Variants in EVC2 observed in about 807,000 individuals in gnomAD.
The protein encoded by EVC2 is limbin.
In EVC2, 148 loss-of-function variants were observed where a neutral mutation model predicts 149.3. The observed-to-expected ratio is 0.99, with a 90% CI of 0.87 to 1.14. EVC2 has a LOEUF of 1.14. EVC2 is among the 50% of genes most tolerant of loss of function. The probability of loss-of-function intolerance (pLI) is 0.00; values close to 1 mark genes in which losing one functional copy is unlikely to be tolerated. For missense variants in EVC2, 1,854 were observed against 1,627.3 expected (o/e 1.14, Z -2.40); for synonymous variants, 776 against 649.9 (o/e 1.19, Z -2.95).
rs994201492 is a variant in EVC2 at position 5,604,481 on chromosome 4, T to C, written c.2829+10941A>G. ...GACAAACATCACATGTTCATACTCA[T>C]ATACGTGAGCAAAAAGAACGGATCT... On this transcript the variant is annotated intron_variant, in intron 16 of 21. Transcript: ENST00000344408. Among the ~76,000 whole-genome samples the C allele has an allele frequency of 2.4e-4, 37 of 152,192 alleles. 1 individual carries two copies. The highest frequency in any genetic ancestry group is 3.4e-3 in the Middle Eastern group (1 of 294).
chr4:5,691,166 C>A (rs1721091894), intron 4 of EVC2, 99 bp downstream of exon 4: 1 of 1,072,746 alleles, frequency 9.3e-7, no homozygotes, highest in African/African-American at 1.5e-5. Flanking sequence ...GTAGGTAAGC[C>A]CATGATTTAT....
intron 1 of EVC2, among the ~76,000 whole-genome samples, chr4:5,698,799 C>T (rs754805547): frequency 1.2e-4 from 19 of 152,360 alleles, no homozygotes; most frequent in East Asian, 1.9e-4. Flanking sequence ...TCACCCTGCA[C>T]GCAACGGCTG....
chr4:5,551,384 C>G (rs1227451718), intron 21 of EVC2, among the ~76,000 whole-genome samples: 2 of 152,228 alleles, frequency 1.3e-5, no homozygotes, highest in Non-Finnish European at 2.9e-5. Context: ...CATTTTGGAG[C>G]TGTAAGATTT....
intron 12 of EVC2, among the ~76,000 whole-genome samples, chr4:5,627,554 A>G (rs1260295645): frequency 2.6e-5 from 4 of 152,196 alleles, no homozygotes; most frequent in African/African-American, 9.7e-5. Context: ...AAAACAACAG[A>G]TTGTCATAAG....
At position 5,640,438 on chromosome 4, in the gene EVC2, A is replaced by T; in HGVS notation, c.1470+76T>A. On this transcript the variant is annotated intron_variant, in intron 10 of 21. Coordinates refer to ENST00000344408, the MANE Select transcript of EVC2 (RefSeq NM_147127.5). This position sits in a 1 kb window ranked among gnomAD's most constrained non-coding sequence, Gnocchi z 4.6. ...ACGGATGGAGGAGGCAAATGGACAG[A>T]TGAGTGGGTAGATGGATAAATGACA... The T allele has an allele frequency of 1.3e-6, 2 of 1,570,288 alleles. No homozygotes were observed. Among genetic ancestry groups the T allele is most frequent in the Non-Finnish European group, 8.8e-7 (1 of 1,140,960 alleles).
intron 7 of EVC2, among the ~76,000 whole-genome samples, chr4:5,668,607 T>C (rs1437220397): frequency 1.3e-5 from 2 of 152,086 alleles, no homozygotes; most frequent in Non-Finnish European, 2.9e-5. Context: ...TGTCAAAATA[T>C]TGATGGAAAG....
intron 7 of EVC2, among the ~76,000 whole-genome samples, chr4:5,675,130 T>G (rs1362475704): frequency 6.6e-6 from 1 of 152,210 alleles, no homozygotes; most frequent in African/African-American, 2.4e-5. Context: ...TCTTATAAAT[T>G]AAGATGCTCT....
downstream of EVC2, among the ~76,000 whole-genome samples, chr4:5,560,346 G>A (rs1034055257): frequency 2.0e-5 from 3 of 152,130 alleles, no homozygotes; most frequent in African/African-American, 7.2e-5. This position sits in a 1 kb window ranked among gnomAD's most constrained non-coding sequence, Gnocchi z 4.1. Flanking sequence ...AAAGAAAAGA[G>A]GTTAAATTGA....
intron 2 of EVC2, among the ~76,000 whole-genome samples, chr4:5,695,385 C>G (rs1315263200): frequency 1.3e-5 from 2 of 151,856 alleles, no homozygotes; most frequent in South Asian, 2.1e-4. Context: ...AAAGAAATGA[C>G]TCCCTTAGAT....
intron 1 of EVC2, among the ~76,000 whole-genome samples, chr4:5,704,324 C>A (rs1722005212): frequency 1.3e-5 from 2 of 152,076 alleles, no homozygotes; most frequent in Admixed American, 1.3e-4. Context: ...AAATGTGGGG[C>A]TTGGGGAGAG....
chr4:5,708,847 G>T (rs1244479852), upstream of EVC2: 3 of 238,928 alleles, frequency 1.3e-5, no homozygotes, highest in African/African-American at 2.2e-5. Flanking sequence ...GTAAGCCTCA[G>T]CTCAGACGCA....
At chr4:5,549,816 C>A (rs538496233) in intron 21 of EVC2, among the ~76,000 whole-genome samples, 1 of 152,164 alleles carries the variant, frequency 6.6e-6, no homozygotes, top group Non-Finnish European at 1.5e-5. Context: ...CTGTATCCCC[C>A]CAAATCTAAT....
intron 9 of EVC2, among the ~76,000 whole-genome samples, chr4:5,661,884 G>A (rs1235348338): frequency 2.6e-5 from 4 of 152,240 alleles, no homozygotes; most frequent in Non-Finnish European, 2.9e-5. Context: ...AGATGTTACA[G>A]AGAGCAATAC....
intron 16 of EVC2, among the ~76,000 whole-genome samples, chr4:5,599,426 A>T (rs572545595): frequency 7.2e-4 from 110 of 152,344 alleles, no homozygotes; most frequent in South Asian, 6.0e-3. Flanking sequence ...TTGTAGGGAC[A>T]TGGATGAAAT....
intron 5 of EVC2, among the ~76,000 whole-genome samples, chr4:5,688,023 A>G (rs570146300): frequency 6.6e-4 from 100 of 152,338 alleles, no homozygotes; most frequent in Middle Eastern, 3.4e-3. Flanking sequence ...TCGTGGCTCC[A>G]TGCTCCATGC....
intron 16 of EVC2, among the ~76,000 whole-genome samples, chr4:5,610,678 C>T (rs548696219): frequency 1.3e-5 from 2 of 152,246 alleles, no homozygotes; most frequent in African/African-American, 4.8e-5. Flanking sequence ...CCCTTGAAGG[C>T]CTCTGCTCAC....
At chr4:5,681,105 C>G (rs1720307094) in intron 7 of EVC2, among the ~76,000 whole-genome samples, 155 bp downstream of exon 7, 1 of 152,186 alleles carries the variant, frequency 6.6e-6, no homozygotes, top group Non-Finnish European at 1.5e-5. Flanking sequence ...TCAGGGCACA[C>G]GGGGGACCCG....
chr4:5,557,273 T>G (rs920472919), intron 21 of EVC2, among the ~76,000 whole-genome samples: 3 of 152,162 alleles, frequency 2.0e-5, no homozygotes, highest in Admixed American at 6.5e-5. Flanking sequence ...TTCAACATTC[T>G]GAAATCATTT....
In EVC2 at chr4:5,576,553, T is replaced by A; in HGVS notation, c.3058-99A>T. 2 of 1,526,248 alleles carry A rather than the reference T, an allele frequency of 1.3e-6. No individual in the cohort carries two copies. The highest frequency in any genetic ancestry group is 1.8e-6 in the Non-Finnish European group (2 of 1,139,792). 94.5% of individuals were successfully genotyped at this position (1,526,248 alleles called of 1,614,324 possible). ...TGGGTGTCTTGCTACAAGTCTGGCA[T>A]GACTCTGTCTTGCCTGGTTCCCCAT... On this transcript the variant is annotated intron_variant, in intron 17 of 21. Transcript: ENST00000344408. The surrounding 1 kb of genome is among the most constrained non-coding windows in gnomAD (Gnocchi z 4.5).
Sources: gnomAD v4.1 joint callset for allele counts (sites outside exome capture counted in the v4.1 genomes callset) on GRCh38, gnomAD v4.1.1 for gene constraint, Gnocchi (gnomAD v3.1) non-coding constraint, MANE v1.5 for transcripts, NCBI Gene and HGNC (gene_info 2026-07-23, HGNC 2026-07-21) for gene names.